SBK1: variants seen among roughly 807,000 people sequenced by gnomAD.
SBK1 encodes SH3 domain binding kinase 1.
In SBK1, 11 loss-of-function variants were observed where a neutral mutation model predicts 24.4. The ratio of observed to expected loss-of-function variants is 0.45; its 90% CI spans 0.28 to 0.75. SBK1 has a LOEUF of 0.75. Ranked by LOEUF, SBK1 falls within the 30% of genes least tolerant of loss-of-function variation. The pLI, the probability that SBK1 is intolerant of heterozygous loss-of-function variation, is 0.12. For synonymous variants in SBK1, 308 were observed against 284.4 expected, an observed-to-expected ratio of 1.08 and a Z score of -0.83; for missense variants, 467 against 620.5, an observed-to-expected ratio of 0.75 and a Z score of 2.63.
At chr16:28,300,882 G>A (rs533827347) in intron 1 of SBK1, among the ~76,000 whole-genome samples, 1 of 152,314 alleles carries the variant, frequency 6.6e-6, no homozygotes, top group African/African-American at 2.4e-5. Flanking sequence ...AGAAATGGCG[G>A]TGAAAGCCTG....
intron 1 of SBK1, among the ~76,000 whole-genome samples, chr16:28,303,809 C>T (rs1188653060): frequency 6.6e-6 from 1 of 152,150 alleles, no homozygotes; most frequent in African/African-American, 2.4e-5. Flanking sequence ...TGAGCTACCA[C>T]ACCCACTACT....
intron 1 of SBK1, chr16:28,286,603 A>C (rs2044566670): frequency 1.3e-5 from 2 of 152,234 alleles, no homozygotes; most frequent in South Asian, 4.1e-4. Flanking sequence ...TGAACCCAAG[A>C]GATGGAGGTT....
chr16:28,268,276 C>T (rs976144535), intron 1 of SBK1, among the ~76,000 whole-genome samples: 2 of 151,844 alleles, frequency 1.3e-5, no homozygotes, highest in African/African-American at 4.8e-5. Flanking sequence ...AGAGTCTCAC[C>T]CTGTCAACTA....
intron 1 of SBK1, among the ~76,000 whole-genome samples, chr16:28,296,850 G>A (rs1319046052): frequency 1.3e-5 from 2 of 152,182 alleles, no homozygotes; most frequent in African/African-American, 4.8e-5. Context: ...TCTAGGTGCA[G>A]GTCTTGCTCA....
At chr16:28,289,323 G>A (rs1177576846), upstream of SBK1, among the ~76,000 whole-genome samples, 3 of 152,168 alleles carry the variant, frequency 2.0e-5, no homozygotes, top group Non-Finnish European at 4.4e-5. Flanking sequence ...AATGAAATCC[G>A]AAACTCCTCT....
intron 1 of SBK1, among the ~76,000 whole-genome samples, chr16:28,312,306 G>T (rs985447757): frequency 1.3e-5 from 2 of 152,188 alleles, no homozygotes; most frequent in Admixed American, 6.5e-5. Flanking sequence ...GTGTTGCCGC[G>T]GTCACCTCGG....
chr16:28,277,998 G>C (rs1330576414), intron 1 of SBK1, among the ~76,000 whole-genome samples: 1 of 152,270 alleles, frequency 6.6e-6, no homozygotes, highest in Non-Finnish European at 1.5e-5. Flanking sequence ...TGTGGCCTCA[G>C]CCAGGTTACA....
At chr16:28,277,121 G>A (rs1414621509) in intron 1 of SBK1, among the ~76,000 whole-genome samples, 3 of 152,092 alleles carry the variant, frequency 2.0e-5, no homozygotes, top group Non-Finnish European at 4.4e-5. Context: ...GGTGGCCAAG[G>A]GGCTTGCAGA....
chr16:28,322,975 T>G lies in SBK1; in HGVS notation c.*2054T>G, dbSNP rs958425728. The stretch of plus-strand genomic sequence containing the variant: ...CTCTCTCTCTCTCTCTCTCTCTCTC[T>G]CTCTCCTCTCTTTCTCTCTCTCCCT... On this transcript the variant is annotated 3_prime_UTR_variant, in exon 4 of 4. Coordinates refer to ENST00000341901, the MANE Select transcript of SBK1 (RefSeq NM_001024401.3). 1.0e-4 allele frequency: 13 copies of G among 128,804 alleles called. No individual in the cohort carries two copies. The highest frequency in any genetic ancestry group is 1.8e-4 in the Non-Finnish European group (11 of 60,642). 8.0% of individuals were successfully genotyped at this position (128,804 alleles called of 1,614,324 possible).
chr16:28,282,312 G>T (rs563680286), intron 1 of SBK1, among the ~76,000 whole-genome samples: 24 of 152,198 alleles, frequency 1.6e-4, no homozygotes, highest in African/African-American at 5.8e-4. Flanking sequence ...CTGAGCTGCC[G>T]GGTGGGCTCT....
chr16:28,308,388 T>A (rs1423579522), intron 1 of SBK1, among the ~76,000 whole-genome samples: 1 of 145,870 alleles, frequency 6.9e-6, no homozygotes, highest in Non-Finnish European at 1.5e-5. Flanking sequence ...TGATCTCAAG[T>A]GATCTGCCTG....
At position 28,317,247 on chromosome 16, in the gene SBK1, G is replaced by T. The variant is rs551922221; in HGVS notation, c.-7-138G>T. On this transcript the variant is annotated intron_variant, in intron 1 of 3. Coordinates refer to ENST00000341901, the MANE Select transcript of SBK1 (RefSeq NM_001024401.3). This position sits in a 1 kb window ranked among gnomAD's most constrained non-coding sequence, Gnocchi z 4.2. ...GGAAGGCGACGCGACCAAGATGCTT[G>T]TCGCCCCCTTGTGGTTATCTTGGGC... The T allele has an allele frequency of 2.8e-5, 18 of 652,530 alleles. No homozygotes were observed. The East Asian group carries it at 3.0e-4, about 11-fold the overall frequency. The allele number at this position is 652,530 out of a possible 1,614,324, so 40.4% of individuals were successfully genotyped here.
At position 28,322,888 on chromosome 16, in the gene SBK1, C is replaced by T. The variant is rs2044862243; in HGVS notation, c.*1967C>T. The T allele has an allele frequency of 6.8e-6, 1 of 146,720 alleles. No homozygotes were observed. The highest frequency in any genetic ancestry group is 2.6e-5 in the African/African-American group (1 of 39,210). The allele number at this position is 146,720 out of a possible 1,614,324, so 9.1% of individuals were successfully genotyped here. On this transcript the variant is annotated 3_prime_UTR_variant, in exon 4 of 4. Transcript: ENST00000341901. ...GAATCGAGATTCCACAGTAGACGTC[C>T]CTTGCCGTGCTCGCTCTCTCTCTCG...
chr16:28,309,377 A>G (rs113325054), intron 1 of SBK1, among the ~76,000 whole-genome samples: 2 of 152,268 alleles, frequency 1.3e-5, no homozygotes, highest in African/African-American at 4.8e-5. Context: ...ACTTTGTAGT[A>G]TAGGAGAGGA....
chr16:28,317,592 T>A lies in SBK1; in HGVS notation c.201T>A (p.Val67=). The A allele has an allele frequency of 1.2e-6, 2 of 1,613,672 alleles. No homozygotes were observed. The highest frequency in any genetic ancestry group is 1.7e-6 in the Non-Finnish European group (2 of 1,179,610). The stretch of plus-strand genomic sequence containing the variant: ...TGGGCAAAGGCACCTATGGGAAGGT[T>A]GACCTGGTGGTCTACAAGGGCACAG... ...RELGKGTYGK[V]DLVVYKGTGT... is the part of the protein sequence containing the mutation. Residue 67 remains valine (V), a synonymous_variant, in exon 2 of 4, where the codon GTT becomes GTA. Coordinates refer to ENST00000341901, the MANE Select transcript of SBK1 (RefSeq NM_001024401.3). This position sits in a 1 kb window ranked among gnomAD's most constrained non-coding sequence, Gnocchi z 4.2.
upstream of SBK1, among the ~76,000 whole-genome samples, chr16:28,288,877 G>A (rs1038393638): frequency 6.6e-6 from 1 of 152,228 alleles, no homozygotes; most frequent in African/African-American, 2.4e-5. Flanking sequence ...CCCCTGGCTA[G>A]AGCATACCCT....
Position 28,320,422 on chromosome 16 carries a change from C to A in SBK1, c.776C>A (p.Ala259Asp). ...TTCCCGTGGGAGGCGGCGTCGGGCG[C>A]CGACGCCTTCTTCGAGGAGTTCGTG... ...GNFPWEAASG[A>D]DAFFEEFVRW... The change falls in exon 4 of 4, where the codon GCC becomes GAC. Residue 259 changes from alanine to aspartate, a missense_variant. By Grantham distance (126) the Ala-to-Asp change is moderately radical. This residue lies in a region of SBK1 where 86 missense variants were observed against 121.7 expected (regional missense o/e 0.71). Transcript: ENST00000341901. This position sits in a 1 kb window ranked among gnomAD's most constrained non-coding sequence, Gnocchi z 8.5. 6.3e-7 allele frequency: 1 copy of A among 1,588,360 alleles called. No individual in the cohort carries two copies. Among genetic ancestry groups the A allele is most frequent in the Admixed American group, 1.7e-5 (1 of 59,066 alleles).
chr16:28,299,554 T>C (rs1219897879), intron 1 of SBK1, among the ~76,000 whole-genome samples: 1 of 152,138 alleles, frequency 6.6e-6, no homozygotes, highest in Non-Finnish European at 1.5e-5. Context: ...CACGGGGCCA[T>C]GGCAGTGAGA....
chr16:28,316,579 A>G (rs1051084750), intron 1 of SBK1, among the ~76,000 whole-genome samples: 1 of 152,150 alleles, frequency 6.6e-6, no homozygotes, highest in Non-Finnish European at 1.5e-5. Context: ...AGCCTGGGCA[A>G]CATAAAGAGA....
Sources: allele counts gnomAD v4.1 joint callset (sites outside exome capture counted in the v4.1 genomes callset), GRCh38; gene constraint gnomAD v4.1.1; regional missense constraint gnomAD v4.1.1; non-coding constraint Gnocchi (gnomAD v3.1); transcripts MANE v1.5; gene names NCBI Gene and HGNC (gene_info 2026-07-23, HGNC 2026-07-21).